The following RAB20 variants were observed in gnomAD, a reference collection of about 807,000 sequenced individuals.
RAB20 encodes ras-related protein Rab-20.
Under a neutral mutation model 3.7 loss-of-function variants are expected in RAB20, and 2 were observed. The observed-to-expected ratio is 0.54, with a 90% CI of 0.22 to 1.69. The LOEUF is 1.69. Among genes scored for constraint, RAB20 ranks in the 40% most tolerant of loss-of-function variants. The probability of loss-of-function intolerance (pLI) is 0.19; values close to 1 mark genes in which losing one functional copy is unlikely to be tolerated. For synonymous variants in RAB20, 126 were observed against 130.8 expected (o/e 0.96, Z 0.25); for missense variants, 276 against 311.9 (o/e 0.88, Z 0.87).
intron 1 of RAB20, among the ~76,000 whole-genome samples, chr13:110,525,728 T>C (rs1405015913): frequency 6.6e-6 from 1 of 152,222 alleles, no homozygotes; most frequent in Non-Finnish European, 1.5e-5. Context: ...CCTGCTGGTA[T>C]GTCCTCCCAG....
intron 1 of RAB20, among the ~76,000 whole-genome samples, chr13:110,535,483 T>C (rs1884624002): frequency 6.6e-6 from 1 of 152,266 alleles, no homozygotes; most frequent in Non-Finnish European, 1.5e-5. Context: ...TCATGGATCC[T>C]TAAACCACTC....
Position 110,528,191 on chromosome 13 carries a change from C to G in RAB20, c.173-3994G>C, listed in dbSNP as rs532772830. Among the ~76,000 whole-genome samples, 48 of 152,024 alleles carry G rather than the reference C, an allele frequency of 3.2e-4. No homozygotes were observed. The South Asian group carries it at 9.3e-3, about 30-fold the overall frequency. On this transcript the variant is annotated intron_variant, in intron 1 of 1. Transcript: ENST00000267328. ...CAGCACTTTGGGACGCCGGGGTGGG[C>G]GGATCACCTGAGTTCGGGAGTTCGA...
At chr13:110,553,530 T>C (rs181512949) in intron 1 of RAB20, among the ~76,000 whole-genome samples, 42 of 152,340 alleles carry the variant, frequency 2.8e-4, no homozygotes, top group African/African-American at 9.9e-4. Context: ...CTGGTCTCTG[T>C]TGCAATGACT....
chr13:110,546,719 G>GT (rs774037902), intron 1 of RAB20, among the ~76,000 whole-genome samples: 4 of 122,742 alleles, frequency 3.3e-5, no homozygotes, highest in Non-Finnish European at 1.8e-5. Flanking sequence ...TGTTTTTTGG[G>GT]TTTTTTGTTT....
rs114932807 is a variant in RAB20, at chr13:110,550,162, A to C, written c.172+11186T>G. ...GGAGGCCAACAGGAAGGTGAAGAAG[A>C]ACTCACCCCCATGCCACAAGGGCAC... On this transcript the variant is annotated intron_variant, in intron 1 of 1. Transcript: ENST00000267328. Among the ~76,000 whole-genome samples the C allele has an allele frequency of 7.0e-3, 1,068 of 152,178 alleles. 20 individuals are homozygous for C. Among genetic ancestry groups the C allele is most frequent in the African/African-American group, 0.025 (1,028 of 41,518 alleles).
chr13:110,547,213 G>A (rs1398474470), intron 1 of RAB20, among the ~76,000 whole-genome samples: 2 of 152,230 alleles, frequency 1.3e-5, no homozygotes, highest in East Asian at 3.8e-4. Context: ...AGCAGCCAAG[G>A]TCAGGGAAGG....
At chr13:110,528,358 G>C (rs1273631680) in intron 1 of RAB20, among the ~76,000 whole-genome samples, 1 of 143,672 alleles carries the variant, frequency 7.0e-6, no homozygotes, top group Non-Finnish European at 1.5e-5. Flanking sequence ...GGAGGTTGCG[G>C]TGAGCTGAGA....
intron 1 of RAB20, among the ~76,000 whole-genome samples, chr13:110,543,049 T>C (rs1884792620): frequency 6.6e-6 from 1 of 152,254 alleles, no homozygotes; most frequent in Non-Finnish European, 1.5e-5. Context: ...TTAGTCATAT[T>C]GAACATTTTT....
intron 1 of RAB20, among the ~76,000 whole-genome samples, chr13:110,524,656 T>TC (rs1227450099): frequency 1.3e-5 from 2 of 152,184 alleles, no homozygotes; most frequent in East Asian, 1.9e-4. Context: ...TTCACCCTCC[T>TC]CCTTTACACC....
intron 1 of RAB20, among the ~76,000 whole-genome samples, chr13:110,548,348 G>A (rs1467401855): frequency 6.6e-6 from 1 of 152,074 alleles, no homozygotes; most frequent in African/African-American, 2.4e-5. Context: ...GCCAGGTGTG[G>A]TGGTGTGCAC....
At position 110,524,022 on chromosome 13, in the gene RAB20, G is replaced by A. The variant is rs1884384104; in HGVS notation, c.348C>T (p.Asp116=). The change falls in exon 2 of 2, where the codon GAC becomes GAT. Residue 116 remains aspartate (D), a synonymous_variant. Transcript: ENST00000267328. ...CCGCCAAGGCCCCCTCCTCAGTGAG[G>A]TCCACTTTGTTCCCCACGATGGCAA... ...CLFAIVGNKV[D]LTEEGALAGQ... 3.7e-6 allele frequency: 6 copies of A among 1,614,110 alleles called. No homozygotes were observed. Among genetic ancestry groups the A allele is most frequent in the Non-Finnish European group, 5.1e-6 (6 of 1,180,026 alleles).
intron 1 of RAB20, among the ~76,000 whole-genome samples, chr13:110,545,064 C>G (rs1884829652): frequency 6.6e-6 from 1 of 152,172 alleles, no homozygotes; most frequent in African/African-American, 2.4e-5. Context: ...CACCATGATT[C>G]TGAGGTCTCC....
Position 110,555,249 on chromosome 13 carries a change from C to T in RAB20, c.172+6099G>A, listed in dbSNP as rs575416831. ...GCCACACCTGCTCTCCCACCACAAACCTCCAACTACTCTAACGCGCCGGAA... is the reference window on the plus strand; with the variant it reads ...GCCACACCTGCTCTCCCACCACAAATCTCCAACTACTCTAACGCGCCGGAA... On this transcript the variant is annotated intron_variant, in intron 1 of 1. Coordinates refer to ENST00000267328, the MANE Select transcript of RAB20 (RefSeq NM_017817.3). The surrounding 1 kb of genome is among the most constrained non-coding windows in gnomAD (Gnocchi z 4.0). 1.3e-5 allele frequency among the ~76,000 whole-genome samples: 2 copies of T among 152,208 alleles called. No individual in the cohort carries two copies. Among genetic ancestry groups the T allele is most frequent in the Non-Finnish European group, 2.9e-5 (2 of 68,040 alleles).
chr13:110,557,851 T>C (rs1057198251), intron 1 of RAB20, among the ~76,000 whole-genome samples: 4 of 152,226 alleles, frequency 2.6e-5, no homozygotes, highest in South Asian at 2.1e-4. Flanking sequence ...GGAAAACAAA[T>C]GTGGAGAGCA....
chr13:110,542,060 GTTTT>G (rs1206109532), intron 1 of RAB20, among the ~76,000 whole-genome samples: 1 of 151,984 alleles, frequency 6.6e-6, no homozygotes, highest in Non-Finnish European at 1.5e-5. Flanking sequence ...TTTTGTTTTT[GTTTT>G]GTTTTGTTTT....
At chr13:110,539,865 A>G (rs1207377810) in intron 1 of RAB20, among the ~76,000 whole-genome samples, 1 of 152,074 alleles carries the variant, frequency 6.6e-6, no homozygotes, top group Non-Finnish European at 1.5e-5. Flanking sequence ...CGGCCACATC[A>G]ATGCATTTTT....
intron 1 of RAB20, among the ~76,000 whole-genome samples, chr13:110,524,414 C>G (rs1424786148): frequency 1.3e-5 from 2 of 152,134 alleles, no homozygotes; most frequent in Admixed American, 6.5e-5. Context: ...GGTGCCCAGA[C>G]TAGATGGGAA....
At chr13:110,552,003 C>T (rs577245549) in intron 1 of RAB20, among the ~76,000 whole-genome samples, 10 of 151,222 alleles carry the variant, frequency 6.6e-5, no homozygotes, top group African/African-American at 2.2e-4. Flanking sequence ...CTTGAGCCCA[C>T]GAGGTCAAAG....
chr13:110,523,686 G>C lies in RAB20; in HGVS notation c.684C>G (p.Thr228=). Reference sequence around the variant, plus strand: ...AAAGTCAGGCACAACACCCAGATCTGGTCCTCTTGGGTGGCTTATGACTGG... The same window carrying C: ...AAAGTCAGGCACAACACCCAGATCTCGTCCTCTTGGGTGGCTTATGACTGG... ...DISSHKPPKR[T]RSGCCA is the part of the protein sequence containing the mutation. Residue 228 remains threonine, a synonymous_variant, in exon 2 of 2, where the codon ACC becomes ACG. Transcript: ENST00000267328. The C allele has an allele frequency of 6.2e-7, 1 of 1,614,018 alleles. No individual in the cohort carries two copies. The highest frequency in any genetic ancestry group is 1.6e-4 in the Middle Eastern group (1 of 6,062).
Sources: gnomAD v4.1 joint callset for allele counts (sites outside exome capture counted in the v4.1 genomes callset) on GRCh38, gnomAD v4.1.1 for gene constraint, Gnocchi (gnomAD v3.1) non-coding constraint, MANE v1.5 for transcripts, NCBI Gene and HGNC (gene_info 2026-07-23, HGNC 2026-07-21) for gene names.